Variants in NDST3 observed in about 807,000 individuals in gnomAD.
NDST3 encodes N-deacetylase and N-sulfotransferase 3, also known as bifunctional heparan sulfate N-deacetylase/N-sulfotransferase 3.
Under a neutral mutation model 96.1 loss-of-function variants are expected in NDST3, and 58 were observed. The ratio of observed to expected loss-of-function variants is 0.60; its 90% CI spans 0.49 to 0.75. The LOEUF (loss-of-function observed/expected upper bound fraction) is 0.75, where lower values mean the gene tolerates loss of function less well. Among genes scored for constraint, NDST3 ranks in the 30% least tolerant of loss-of-function variants. NDST3 has a pLI of 0.00. For synonymous variants in NDST3, 333 were observed against 359.7 expected (o/e 0.93, Z 0.84); for missense variants, 788 against 1,034.2 (o/e 0.76, Z 3.27).
intron 3 of NDST3, among the ~76,000 whole-genome samples, chr4:118,107,656 T>C (rs1730307746): frequency 6.6e-6 from 1 of 152,148 alleles, no homozygotes; most frequent in African/African-American, 2.4e-5. Flanking sequence ...TCTGTACAAC[T>C]CTATGTATAG....
chr4:118,146,983 A>G (rs889299190), intron 6 of NDST3, among the ~76,000 whole-genome samples: 3 of 152,114 alleles, frequency 2.0e-5, no homozygotes, highest in African/African-American at 7.2e-5. Flanking sequence ...AGGAACTTGT[A>G]CTCTCTGGGA....
At chr4:118,100,680 CTTG>C (rs1464879962) in intron 2 of NDST3, among the ~76,000 whole-genome samples, 1 of 152,100 alleles carries the variant, frequency 6.6e-6, no homozygotes, top group Non-Finnish European at 1.5e-5. Context: ...ATGTTGTATT[CTTG>C]TTGTTTCCAT....
chr4:118,056,411 G>A (rs1725432991), intron 2 of NDST3, among the ~76,000 whole-genome samples: 1 of 151,806 alleles, frequency 6.6e-6, no homozygotes, highest in Non-Finnish European at 1.5e-5. Flanking sequence ...GAAAAATTTG[G>A]CATGTCTACT....
chr4:118,183,354 T>G (rs760340014), intron 6 of NDST3, among the ~76,000 whole-genome samples: 7 of 152,192 alleles, frequency 4.6e-5, no homozygotes, highest in Non-Finnish European at 1.0e-4. Context: ...AGCCCTTCTC[T>G]TCTTTCTCAT....
intron 2 of NDST3, 34 bp from the exon 3 acceptor site, chr4:118,104,984 T>G: frequency 6.3e-7 from 1 of 1,578,714 alleles, no homozygotes; most frequent in East Asian, 2.2e-5. Flanking sequence ...ATGCCATTCT[T>G]TACCTGATAC....
At chr4:118,152,007 T>C (rs574612537) in intron 6 of NDST3, among the ~76,000 whole-genome samples, 52 of 152,236 alleles carry the variant, frequency 3.4e-4, no homozygotes, top group Admixed American at 2.2e-3. Context: ...TTTCCAAAAC[T>C]ATCCCAGTGT....
chr4:118,131,402 T>G, intron 4 of NDST3, among the ~76,000 whole-genome samples: 1 of 152,016 alleles, frequency 6.6e-6, no homozygotes, highest in Non-Finnish European at 1.5e-5. Context: ...CTTCAGTATG[T>G]CAATTGCAAT....
At chr4:118,036,605 C>T (rs1483155820) in intron 1 of NDST3, among the ~76,000 whole-genome samples, 1 of 152,114 alleles carries the variant, frequency 6.6e-6, no homozygotes, top group East Asian at 1.9e-4. Context: ...CTGAACAATC[C>T]TCAAAACTAT....
At chr4:118,049,715 T>A (rs1415263331) in intron 1 of NDST3, among the ~76,000 whole-genome samples, 1 of 150,234 alleles carries the variant, frequency 6.7e-6, no homozygotes, top group African/African-American at 2.4e-5. Flanking sequence ...GCTCTGAAAC[T>A]GAATCAGTAA....
At chr4:118,114,464 C>T (rs539318414) in intron 3 of NDST3, among the ~76,000 whole-genome samples, 9 of 152,302 alleles carry the variant, frequency 5.9e-5, no homozygotes, top group African/African-American at 2.2e-4. Context: ...TCCTAAATTA[C>T]ATTTCCTACT....
intron 6 of NDST3, among the ~76,000 whole-genome samples, chr4:118,181,058 G>C (rs1308300060): frequency 6.6e-6 from 1 of 152,120 alleles, no homozygotes; most frequent in Non-Finnish European, 1.5e-5. Flanking sequence ...ATGTAAAGGA[G>C]AGCAAAGCTT....
intron 6 of NDST3, among the ~76,000 whole-genome samples, chr4:118,144,027 G>T (rs1733762771): frequency 1.3e-5 from 2 of 151,914 alleles, no homozygotes; most frequent in Non-Finnish European, 2.9e-5. Flanking sequence ...TTAGACAACA[G>T]TTACCTCTAT....
intron 4 of NDST3, among the ~76,000 whole-genome samples, chr4:118,122,686 G>A (rs1355598268): frequency 6.6e-6 from 1 of 152,078 alleles, no homozygotes; most frequent in African/African-American, 2.4e-5. Context: ...CTGTGACTCT[G>A]TTTCCGCTGC....
At chr4:118,127,192 A>G (rs1732177629) in intron 4 of NDST3, among the ~76,000 whole-genome samples, 1 of 151,928 alleles carries the variant, frequency 6.6e-6, no homozygotes, top group East Asian at 1.9e-4. Flanking sequence ...GAAGCATTTT[A>G]ACTCGATGTG....
intron 6 of NDST3, among the ~76,000 whole-genome samples, chr4:118,200,510 A>G (rs1371684626): frequency 6.6e-6 from 1 of 152,198 alleles, no homozygotes; most frequent in African/African-American, 2.4e-5. Context: ...TCCTGAAATC[A>G]GGTACCGTGA....
At chr4:118,049,652 T>A in intron 1 of NDST3, among the ~76,000 whole-genome samples, 1 of 150,440 alleles carries the variant, frequency 6.6e-6, no homozygotes. Flanking sequence ...GGAAATGCAA[T>A]CTCCCAAAAC....
At chr4:118,112,656 CAT>C (rs1273354442) in intron 3 of NDST3, among the ~76,000 whole-genome samples, 5 of 152,132 alleles carry the variant, frequency 3.3e-5, no homozygotes, top group East Asian at 1.9e-4. Context: ...TCAAGCAAAA[CAT>C]GTGTTTAAGA....
At chr4:118,115,565 T>C (rs962174227) in intron 4 of NDST3, among the ~76,000 whole-genome samples, 7 of 152,196 alleles carry the variant, frequency 4.6e-5, no homozygotes, top group African/African-American at 1.7e-4. Flanking sequence ...CAAACATATA[T>C]GCTGTATGGA....
chr4:118,113,984 T>C (rs979702143), intron 3 of NDST3, among the ~76,000 whole-genome samples: 1 of 151,624 alleles, frequency 6.6e-6, no homozygotes, highest in African/African-American at 2.4e-5. Flanking sequence ...AAAAGAACAG[T>C]GAAATTTCCC....
Sources: allele counts gnomAD v4.1 joint callset (sites outside exome capture counted in the v4.1 genomes callset), GRCh38; gene constraint gnomAD v4.1.1; transcripts MANE v1.5; gene names NCBI Gene and HGNC (gene_info 2026-07-23, HGNC 2026-07-21).